The following FLNB variants were observed in gnomAD, a reference collection of about 807,000 sequenced individuals.
FLNB encodes the protein filamin B.
A neutral mutation model predicts 250.6 loss-of-function variants in FLNB; 111 were observed. That is an observed-to-expected ratio of 0.44 (90% confidence interval 0.38 to 0.52). FLNB has a LOEUF of 0.52. Ranked by LOEUF, FLNB falls within the 20% of genes least tolerant of loss-of-function variation. The probability of loss-of-function intolerance (pLI) is 0.00; values close to 1 mark genes in which losing one functional copy is unlikely to be tolerated. For missense variants in FLNB, 2,869 were observed against 3,447.8 expected, an observed-to-expected ratio of 0.83 and a Z score of 4.20; for synonymous variants, 1,302 against 1,372.1, an observed-to-expected ratio of 0.95 and a Z score of 1.13.
intron 1 of FLNB, among the ~76,000 whole-genome samples, chr3:58,016,235 A>C (rs184448102): frequency 1.3e-5 from 2 of 151,992 alleles, no homozygotes; most frequent in African/African-American, 4.8e-5. Flanking sequence ...TTGTATTTTT[A>C]GTAGATATGG....
intron 41 of FLNB, among the ~76,000 whole-genome samples, chr3:58,156,461 T>G (rs1358616586): frequency 6.6e-6 from 1 of 152,234 alleles, no homozygotes; most frequent in East Asian, 1.9e-4. Flanking sequence ...GTTGGCTGCC[T>G]TTCTTCAAGA....
intron 1 of FLNB, among the ~76,000 whole-genome samples, chr3:58,040,956 CTTAA>C (rs2097145263): frequency 6.6e-6 from 1 of 152,116 alleles, no homozygotes; most frequent in Non-Finnish European, 1.5e-5. Flanking sequence ...ATTATAGAAA[CTTAA>C]TTAGACTATT....
At chr3:58,020,570 T>C (rs1324832315) in intron 1 of FLNB, among the ~76,000 whole-genome samples, 1 of 152,178 alleles carries the variant, frequency 6.6e-6, no homozygotes, top group Non-Finnish European at 1.5e-5. Context: ...TCCTGTTCTC[T>C]CTCTCTGAAG....
chr3:58,105,808 A>C (rs757592009), intron 11 of FLNB, among the ~76,000 whole-genome samples: 1 of 152,236 alleles, frequency 6.6e-6, no homozygotes, highest in Non-Finnish European at 1.5e-5. Context: ...AAAAGTAAGC[A>C]ATGGGCCAGA....
intron 13 of FLNB, 50 bp from the exon 14 acceptor site, chr3:58,109,129 T>C: frequency 6.2e-7 from 1 of 1,612,774 alleles, no homozygotes; most frequent in Non-Finnish European, 8.5e-7. Context: ...CCCTGTCTGA[T>C]AGAGACAGTG....
At chr3:58,098,378 T>C (rs1325417956) in intron 7 of FLNB, among the ~76,000 whole-genome samples, 1 of 152,232 alleles carries the variant, frequency 6.6e-6, no homozygotes, top group Non-Finnish European at 1.5e-5. Context: ...TTGCCCAGAC[T>C]GGAGTGCAGT....
intron 4 of FLNB, among the ~76,000 whole-genome samples, chr3:58,082,026 A>G (rs957605807): frequency 3.3e-5 from 5 of 152,134 alleles, no homozygotes; most frequent in African/African-American, 1.2e-4. Context: ...GCAGTAGCCC[A>G]TTGCTCCCAT....
At chr3:58,102,457 G>A in intron 9 of FLNB, 117 bp downstream of exon 9, 1 of 1,209,522 alleles carries the variant, frequency 8.3e-7, no homozygotes, top group South Asian at 1.2e-5. Context: ...GCTATGTCAA[G>A]GATTTGAGGC....
chr3:58,010,055 C>T (rs747444337), intron 1 of FLNB, among the ~76,000 whole-genome samples: 4 of 134,832 alleles, frequency 3.0e-5, no homozygotes, highest in South Asian at 2.4e-4. Flanking sequence ...TGCATGTACA[C>T]GGAATGTATG....
Position 58,102,284 on chromosome 3 carries a change from A to G in FLNB, c.1427A>G (p.Lys476Arg), listed in dbSNP as rs1279002910. The G allele has an allele frequency of 6.2e-7, 1 of 1,614,216 alleles. No individual in the cohort carries two copies. The highest frequency in any genetic ancestry group is 1.7e-5 in the Admixed American group (1 of 60,024). The change falls in exon 9 of 46, where the codon AAG (lysine) becomes AGG (arginine). Residue 476 changes from lysine (K) to arginine (R), a missense_variant. Lys to Arg is a conservative substitution (Grantham distance 26). Around this residue, in one of 5 missense-constraint regions of FLNB, gnomAD observed 1,348 missense variants for 1,466.7 expected, o/e 0.92. Transcript: ENST00000295956. Reference sequence around the variant, plus strand: ...CGTATCCGGGAGACCACAGATTTCAAGGTTGACACCAAAGCTGCAGGAAGT... The same window carrying G: ...CGTATCCGGGAGACCACAGATTTCAGGGTTGACACCAAAGCTGCAGGAAGT... ...GVRIRETTDF[K>R]VDTKAAGSGE...
Position 58,110,057 on chromosome 3 carries a change from G to A in FLNB, c.2371G>A (p.Asp791Asn). 6.2e-7 allele frequency: 1 copy of A among 1,614,182 alleles called. No individual in the cohort carries two copies. Among genetic ancestry groups the A allele is most frequent in the South Asian group, 1.1e-5 (1 of 91,078 alleles). Residue 791 changes from aspartate to asparagine, a missense_variant, in exon 16 of 46, where the codon GAT (aspartate) becomes AAT (asparagine). Transcript: ENST00000295956. ...IKCDARVLSE[D>N]EEDVDFDIIH... ...GTGTGATGCCCGGGTGTTAAGTGAAGATGAGGAAGACGTGGATTTTGACAT... is the reference window on the plus strand; with the variant it reads ...GTGTGATGCCCGGGTGTTAAGTGAAAATGAGGAAGACGTGGATTTTGACAT...
chr3:58,037,445 G>T (rs1231105012), intron 1 of FLNB, among the ~76,000 whole-genome samples: 50 of 152,194 alleles, frequency 3.3e-4, no homozygotes, highest in Admixed American at 3.2e-3. Context: ...ATATCAGCCA[G>T]CTAAAGCCCC....
chr3:58,092,395 G>A (rs1444794759), intron 4 of FLNB, among the ~76,000 whole-genome samples: 1 of 152,156 alleles, frequency 6.6e-6, no homozygotes, highest in East Asian at 1.9e-4. Context: ...TGTAATCCCA[G>A]CACTTTGGGA....
intron 18 of FLNB, among the ~76,000 whole-genome samples, chr3:58,112,859 A>G (rs1417168231): frequency 6.6e-6 from 1 of 152,246 alleles, no homozygotes; most frequent in Non-Finnish European, 1.5e-5. Context: ...CCTAAGGCCC[A>G]GCACACTATT....
chr3:58,126,843 T>C, intron 24 of FLNB, 81 bp downstream of exon 24: 9 of 1,266,562 alleles, frequency 7.1e-6, no homozygotes, highest in Non-Finnish European at 1.0e-5. Flanking sequence ...TCTCTCTGAG[T>C]GGGGAAAACA....
In FLNB at chr3:58,105,168, T is replaced by C; in HGVS notation, c.1699T>C (p.Ser567Pro). Reference sequence around the variant, plus strand: ...GCTCCATGGTGGGATTGTCGGGCGGTCAGCGGACTTCGTGGTAGAATCCAT... The same window carrying C: ...GCTCCATGGTGGGATTGTCGGGCGGCCAGCGGACTTCGTGGTAGAATCCAT... Reference protein sequence around the residue: ...PGLHGGIVGRSADFVVESIGS... With the variant: ...PGLHGGIVGRPADFVVESIGS... The change falls in exon 11 of 46, where the codon TCA becomes CCA. Residue 567 changes from serine (S) to proline (P), a missense_variant. By Grantham distance (74) the Ser-to-Pro change is moderately conservative (BLOSUM62 -1). Around this residue, in one of 5 missense-constraint regions of FLNB, gnomAD observed 1,348 missense variants for 1,466.7 expected, o/e 0.92. Transcript: ENST00000295956. The C allele has an allele frequency of 6.2e-7, 1 of 1,614,166 alleles. No homozygotes were observed. The highest frequency in any genetic ancestry group is 1.6e-4 in the Middle Eastern group (1 of 6,062).
intron 2 of FLNB, chr3:58,078,405 T>C: frequency 1.3e-6 from 2 of 1,533,676 alleles, no homozygotes; most frequent in Non-Finnish European, 1.7e-6. Context: ...AAATCCCTCC[T>C]GCATAAAGGC....
At chr3:58,051,001 A>G (rs2097161459) in intron 1 of FLNB, among the ~76,000 whole-genome samples, 1 of 152,226 alleles carries the variant, frequency 6.6e-6, no homozygotes, top group South Asian at 2.1e-4. Flanking sequence ...AATCTGTGCC[A>G]TCAAAAGAGT....
intron 1 of FLNB, among the ~76,000 whole-genome samples, chr3:58,044,364 A>G (rs1238538414): frequency 6.6e-6 from 1 of 152,140 alleles, no homozygotes; most frequent in Non-Finnish European, 1.5e-5. Flanking sequence ...TGAGAGGCCA[A>G]GGTGGGAGGA....
Sources: allele counts gnomAD v4.1 joint callset (sites outside exome capture counted in the v4.1 genomes callset), GRCh38; gene constraint gnomAD v4.1.1; regional missense constraint gnomAD v4.1.1; transcripts MANE v1.5; gene names NCBI Gene and HGNC (gene_info 2026-07-23, HGNC 2026-07-21).